The following AGBL4 variants were observed in gnomAD, a reference collection of about 807,000 sequenced individuals.
The protein encoded by AGBL4 is AGBL carboxypeptidase 4.
In AGBL4, 58 loss-of-function variants were observed where a neutral mutation model predicts 66.4. The observed-to-expected ratio is 0.87, with a 90% CI of 0.71 to 1.09. The LOEUF (loss-of-function observed/expected upper bound fraction) is 1.09. Ranked by LOEUF, AGBL4 falls within the 50% of genes least tolerant of loss-of-function variation. The pLI, the probability that AGBL4 is intolerant of heterozygous loss-of-function variation, is 0.00. For missense variants in AGBL4, 579 were observed against 631.0 expected, an observed-to-expected ratio of 0.92 and a Z score of 0.88; for synonymous variants, 234 against 222.9, an observed-to-expected ratio of 1.05 and a Z score of -0.44.
chr1:49,672,200 G>A (rs1467292125), intron 3 of AGBL4, among the ~76,000 whole-genome samples: 1 of 152,042 alleles, frequency 6.6e-6, no homozygotes, highest in Non-Finnish European at 1.5e-5. Context: ...TGGATGGAGT[G>A]GGAGGCTATC....
At chr1:49,314,759 C>G (rs1645008229) in intron 3 of AGBL4, among the ~76,000 whole-genome samples, 1 of 152,036 alleles carries the variant, frequency 6.6e-6, no homozygotes, top group South Asian at 2.1e-4. Context: ...AATGAGATTG[C>G]TGGGTCAAAT....
At chr1:49,296,343 G>T (rs896917214) in intron 3 of AGBL4, among the ~76,000 whole-genome samples, 4 of 152,196 alleles carry the variant, frequency 2.6e-5, no homozygotes, top group African/African-American at 9.6e-5. Context: ...TTGAAAGCCA[G>T]TGATAGTTCT....
chr1:49,555,503 T>C (rs1181239963), intron 3 of AGBL4, among the ~76,000 whole-genome samples: 1 of 149,150 alleles, frequency 6.7e-6, no homozygotes, highest in Non-Finnish European at 1.5e-5. Flanking sequence ...CTAGCTTTTG[T>C]GTCTAGCTAA....
intron 3 of AGBL4, among the ~76,000 whole-genome samples, chr1:49,398,333 T>TTCTCTCTCTCTC (rs36025670): frequency 6.3e-5 from 9 of 143,708 alleles, no homozygotes; most frequent in African/African-American, 2.1e-4. Context: ...CTCTCTCTCT[T>TTCTCTCTCTCTC]TCTCTCTCTC....
Position 48,619,808 on chromosome 1 carries a change from G to A in AGBL4, c.951+14685C>T, listed in dbSNP as rs570351748. Among the ~76,000 whole-genome samples the A allele has an allele frequency of 2.0e-4, 30 of 152,206 alleles. No individual in the cohort carries two copies. In the East Asian group the frequency reaches 5.8e-3, roughly 29 times the overall value. Reference sequence around the variant, plus strand: ...AGGATCAGCCGGTGGGGGCTGCTGTGTACAGTGGCCTTAGCTGCCAATCAG... The same window carrying A: ...AGGATCAGCCGGTGGGGGCTGCTGTATACAGTGGCCTTAGCTGCCAATCAG... On this transcript the variant is annotated intron_variant, in intron 9 of 13. Coordinates refer to ENST00000371839, the MANE Select transcript of AGBL4 (RefSeq NM_032785.4).
chr1:49,239,047 C>T lies in AGBL4; in HGVS notation c.377+6723G>A, dbSNP rs546305572. On this transcript the variant is annotated intron_variant, in intron 4 of 13. Transcript: ENST00000371839. ...GAAGTATGTCTACTCCATCATGTCC[C>T]GGAACCAGACTGTAATATTTTACCT... 2.4e-4 allele frequency among the ~76,000 whole-genome samples: 37 copies of T among 152,146 alleles called. No homozygotes were observed. The South Asian group carries it at 4.8e-3, about 20-fold the overall frequency.
rs181470500 is a variant in AGBL4, at chr1:49,441,273, T to A, written c.283-195409A>T. ...CAGGCATGGGAATGGATATTAAGGG[T>A]GTGGGATAATGGTGGAAGGAACATA... On this transcript the variant is annotated intron_variant, in intron 3 of 13. Coordinates refer to ENST00000371839, the MANE Select transcript of AGBL4 (RefSeq NM_032785.4). Among the ~76,000 whole-genome samples, 238 of 152,084 alleles carry A rather than the reference T, an allele frequency of 1.6e-3. 1 individual carries two copies. Among genetic ancestry groups the A allele is most frequent in the African/African-American group, 4.9e-3 (203 of 41,478 alleles).
At chr1:49,378,398 G>A (rs1221827775) in intron 3 of AGBL4, among the ~76,000 whole-genome samples, 1 of 151,922 alleles carries the variant, frequency 6.6e-6, no homozygotes, top group Non-Finnish European at 1.5e-5. Context: ...AAATAATAGT[G>A]TCTACCTCTA....
rs557309278 is a variant in AGBL4 at position 48,559,828 on chromosome 1, C to T, written c.1268-20090G>A. ...ATTCCTGCTTCCTCTTGCCTCTTTG[C>T]CTCTTTCCCCTCTTGGTTATAAATT... On this transcript the variant is annotated intron_variant, in intron 11 of 13. Transcript: ENST00000371839. Among the ~76,000 whole-genome samples the T allele has an allele frequency of 3.3e-5, 5 of 152,230 alleles. No homozygotes were observed. In the South Asian group the frequency reaches 1.0e-3, roughly 32 times the overall value.
At chr1:48,961,577 G>T (rs1038429127) in intron 5 of AGBL4, among the ~76,000 whole-genome samples, 1 of 152,186 alleles carries the variant, frequency 6.6e-6, no homozygotes, top group Non-Finnish European at 1.5e-5. Flanking sequence ...AAGCGGGAAG[G>T]TTGAGAAAAG....
chr1:48,895,525 C>A (rs772825496), intron 5 of AGBL4, among the ~76,000 whole-genome samples: 1 of 152,326 alleles, frequency 6.6e-6, no homozygotes, highest in African/African-American at 2.4e-5. Flanking sequence ...CCCTAATGAG[C>A]GATGACGATG....
At chr1:48,784,155 T>C (rs1645358691) in intron 6 of AGBL4, among the ~76,000 whole-genome samples, 2 of 152,268 alleles carry the variant, frequency 1.3e-5, no homozygotes, top group South Asian at 4.1e-4. Flanking sequence ...TTCACAGAGA[T>C]GTTCTGAGGA....
At chr1:49,933,570 A>C (rs148951245) in intron 1 of AGBL4, among the ~76,000 whole-genome samples, 1 of 152,142 alleles carries the variant, frequency 6.6e-6, no homozygotes, top group African/African-American at 2.4e-5. Flanking sequence ...AAAAAACAAT[A>C]TTAAGAACTA....
At chr1:49,146,763 C>A (rs926946692) in intron 4 of AGBL4, among the ~76,000 whole-genome samples, 1 of 152,256 alleles carries the variant, frequency 6.6e-6, no homozygotes, top group African/African-American at 2.4e-5. Flanking sequence ...GGGCCCACAC[C>A]AGGCTCCCTG....
chr1:49,534,166 T>C (rs898188182), intron 3 of AGBL4, among the ~76,000 whole-genome samples: 1 of 129,580 alleles, frequency 7.7e-6, no homozygotes, highest in African/African-American at 3.0e-5. Flanking sequence ...ATCAACACCA[T>C]TTTACAAAAA....
At chr1:49,907,043 T>C (rs1650346201) in intron 1 of AGBL4, among the ~76,000 whole-genome samples, 1 of 152,178 alleles carries the variant, frequency 6.6e-6, no homozygotes, top group Non-Finnish European at 1.5e-5. Flanking sequence ...CAAAAGCCTT[T>C]CTGCCCATGC....
chr1:49,402,217 T>C (rs959017730), intron 3 of AGBL4, among the ~76,000 whole-genome samples: 1 of 152,198 alleles, frequency 6.6e-6, no homozygotes, highest in African/African-American at 2.4e-5. Context: ...CTTTTAATAA[T>C]GTTGGCTTTG....
At chr1:48,846,960 G>A (rs1281330479) in intron 6 of AGBL4, among the ~76,000 whole-genome samples, 1 of 152,000 alleles carries the variant, frequency 6.6e-6, no homozygotes, top group African/African-American at 2.4e-5. Context: ...TTATCCCTTT[G>A]CACATGTCAA....
At chr1:49,831,887 T>C (rs1219398171) in intron 2 of AGBL4, among the ~76,000 whole-genome samples, 1 of 152,198 alleles carries the variant, frequency 6.6e-6, no homozygotes, top group Non-Finnish European at 1.5e-5. Context: ...TGTCATTGGT[T>C]CTGTTTATGT....
Sources: gnomAD v4.1 joint callset for allele counts (sites outside exome capture counted in the v4.1 genomes callset) on GRCh38, gnomAD v4.1.1 for gene constraint, MANE v1.5 for transcripts, NCBI Gene and HGNC (gene_info 2026-07-23, HGNC 2026-07-21) for gene names.